SLC25A21: variants seen among roughly 807,000 people sequenced by gnomAD.
SLC25A21 encodes the protein solute carrier family 25 member 21.
In SLC25A21, 47 loss-of-function variants were observed where a neutral mutation model predicts 43.8. The observed-to-expected ratio is 1.07, with a 90% CI of 0.85 to 1.37. The LOEUF (loss-of-function observed/expected upper bound fraction) is 1.37. Among genes scored for constraint, SLC25A21 ranks in the 40% most tolerant of loss-of-function variants. The pLI is 0.00. For missense variants in SLC25A21, 352 were observed against 350.2 expected (o/e 1.00, Z -0.04); for synonymous variants, 131 against 121.3 (o/e 1.08, Z -0.52).
intron 1 of SLC25A21, among the ~76,000 whole-genome samples, chr14:37,000,458 T>C (rs1960463046): frequency 1.3e-5 from 2 of 152,194 alleles, no homozygotes; most frequent in Admixed American, 1.3e-4. Context: ...GCTTTCCTCC[T>C]ACTCATTGTG....
At chr14:37,089,887 G>A (rs190913460) in intron 1 of SLC25A21, among the ~76,000 whole-genome samples, 225 of 152,202 alleles carry the variant, frequency 1.5e-3, no homozygotes, top group African/African-American at 5.1e-3. Context: ...ATCTTCCATC[G>A]CACATGTGGA....
chr14:36,819,446 T>C (rs775486339), intron 2 of SLC25A21, among the ~76,000 whole-genome samples: 7 of 152,218 alleles, frequency 4.6e-5, no homozygotes, highest in Non-Finnish European at 1.0e-4. Flanking sequence ...GTCTTCATTG[T>C]GTGCTCAGTG....
intron 1 of SLC25A21, among the ~76,000 whole-genome samples, chr14:36,883,720 T>C (rs1239276660): frequency 6.6e-6 from 1 of 152,172 alleles, no homozygotes; most frequent in Non-Finnish European, 1.5e-5. Flanking sequence ...TTCAGTGATA[T>C]GTAGAGGACA....
chr14:37,155,075 C>CTTT (rs528801358), intron 1 of SLC25A21, among the ~76,000 whole-genome samples: 14 of 139,594 alleles, frequency 1.0e-4, no homozygotes, highest in Non-Finnish European at 1.6e-5. Context: ...AAAGACAGCT[C>CTTT]TTTTTTTTTT....
At chr14:36,778,402 GA>G (rs1886915521) in intron 3 of SLC25A21, among the ~76,000 whole-genome samples, 1 of 152,230 alleles carries the variant, frequency 6.6e-6, no homozygotes, top group African/African-American at 2.4e-5. Flanking sequence ...GCTATCACAT[GA>G]GAAATATGTA....
intron 1 of SLC25A21, among the ~76,000 whole-genome samples, chr14:36,886,491 C>T (rs1275882664): frequency 6.6e-6 from 1 of 152,194 alleles, no homozygotes; most frequent in African/African-American, 2.4e-5. Flanking sequence ...ATAGGGAATG[C>T]AGTTTTCCTC....
chr14:37,092,185 A>C (rs1363721556), intron 1 of SLC25A21, among the ~76,000 whole-genome samples: 1 of 152,172 alleles, frequency 6.6e-6, no homozygotes, highest in Non-Finnish European at 1.5e-5. Context: ...AGTCTTCAGA[A>C]GCTAACTATA....
At chr14:36,711,591 C>G in intron 6 of SLC25A21, 109 bp from the exon 7 acceptor site, 3 of 1,251,044 alleles carry the variant, frequency 2.4e-6, no homozygotes, top group Non-Finnish European at 3.3e-6. Flanking sequence ...ACTTTTTTCC[C>G]CCAGATATGA....
chr14:36,928,712 C>T (rs926080555), intron 1 of SLC25A21, among the ~76,000 whole-genome samples: 5 of 152,076 alleles, frequency 3.3e-5, no homozygotes, highest in South Asian at 2.1e-4. Context: ...TTTTCAAATC[C>T]GTGACTCTCT....
chr14:36,860,652 G>C (rs1890040560), intron 2 of SLC25A21, among the ~76,000 whole-genome samples: 1 of 152,138 alleles, frequency 6.6e-6, no homozygotes, highest in African/African-American at 2.4e-5. Context: ...TCTCACTTTA[G>C]GAGAGCATCT....
chr14:37,035,336 A>G (rs1961304154), intron 1 of SLC25A21, among the ~76,000 whole-genome samples: 3 of 152,192 alleles, frequency 2.0e-5, no homozygotes, highest in African/African-American at 7.2e-5. Context: ...AACACATTTT[A>G]TTATTATCAG....
Position 36,705,787 on chromosome 14 carries a change from G to A in SLC25A21, c.603+5531C>T, listed in dbSNP as rs28410991. 8.5e-4 allele frequency among the ~76,000 whole-genome samples: 130 copies of A among 152,284 alleles called. 2 individuals are homozygous for A. The highest frequency in any genetic ancestry group is 3.1e-4 in the Non-Finnish European group (21 of 68,016). Reference sequence around the variant, plus strand: ...GCCAGTCAGAGTGCGTGAAATCTCAGATTTCCTTGGAACAACAGAATGACC... The same window carrying A: ...GCCAGTCAGAGTGCGTGAAATCTCAAATTTCCTTGGAACAACAGAATGACC... On this transcript the variant is annotated intron_variant, in intron 7 of 9. Coordinates refer to ENST00000331299, the MANE Select transcript of SLC25A21 (RefSeq NM_030631.4).
chr14:36,688,941 T>C (rs1882671844), intron 7 of SLC25A21, among the ~76,000 whole-genome samples: 1 of 152,248 alleles, frequency 6.6e-6, no homozygotes, highest in Non-Finnish European at 1.5e-5. Context: ...TTTTTCTTCT[T>C]ATACTCCTAA....
Position 37,006,790 on chromosome 14 carries a change from A to C in SLC25A21, c.71-131786T>G, listed in dbSNP as rs570875024. On this transcript the variant is annotated intron_variant, in intron 1 of 9. Coordinates refer to ENST00000331299, the MANE Select transcript of SLC25A21 (RefSeq NM_030631.4). ...TATTAAATTGATGTCATATCTGATA[A>C]GTGATGGAGATTTAGAAGCACAGAA... 3.5e-4 allele frequency among the ~76,000 whole-genome samples: 54 copies of C among 152,292 alleles called. No homozygotes were observed. The South Asian group carries it at 6.4e-3, about 18-fold the overall frequency.
chr14:37,021,588 T>G (rs966672825), intron 1 of SLC25A21, among the ~76,000 whole-genome samples: 5 of 151,966 alleles, frequency 3.3e-5, no homozygotes, highest in African/African-American at 1.2e-4. Flanking sequence ...GATTCTTCTG[T>G]GCAGACTTCA....
At chr14:36,897,879 G>A (rs961184849) in intron 1 of SLC25A21, among the ~76,000 whole-genome samples, 4 of 152,168 alleles carry the variant, frequency 2.6e-5, no homozygotes, top group African/African-American at 9.7e-5. Context: ...GTTGCTGCCT[G>A]ATCGTTCCTC....
chr14:36,984,889 C>T lies in SLC25A21; in HGVS notation c.71-109885G>A, dbSNP rs996796287. The stretch of plus-strand genomic sequence containing the variant: ...GACACATGCTCACGTATGTTTATTG[C>T]AGCATTATTCACAATAGCAAAGACT... On this transcript the variant is annotated intron_variant, in intron 1 of 9. Coordinates refer to ENST00000331299, the MANE Select transcript of SLC25A21 (RefSeq NM_030631.4). Among the ~76,000 whole-genome samples, 218 of 151,524 alleles carry T rather than the reference C, an allele frequency of 1.4e-3. 1 individual carries two copies. The highest frequency in any genetic ancestry group is 5.0e-3 in the African/African-American group (206 of 41,168).
chr14:36,940,193 A>G (rs922114940), intron 1 of SLC25A21, among the ~76,000 whole-genome samples: 3 of 152,162 alleles, frequency 2.0e-5, no homozygotes, highest in African/African-American at 7.2e-5. Flanking sequence ...CTGTTCATAC[A>G]TTACTTTTCC....
At chr14:36,763,532 T>C (rs779994720) in intron 3 of SLC25A21, among the ~76,000 whole-genome samples, 11 of 152,148 alleles carry the variant, frequency 7.2e-5, no homozygotes, top group African/African-American at 1.2e-4. Context: ...AGGAAGAACT[T>C]TGAACTGTTT....
Sources: gnomAD v4.1 joint callset for allele counts (sites outside exome capture counted in the v4.1 genomes callset) on GRCh38, gnomAD v4.1.1 for gene constraint, MANE v1.5 for transcripts, NCBI Gene and HGNC (gene_info 2026-07-23, HGNC 2026-07-21) for gene names.